Variants in F5 observed in about 807,000 individuals in gnomAD.
F5 encodes the protein activated protein c cofactor.
F5 carries 138 observed loss-of-function variants against 216.4 expected under a neutral mutation model. The ratio of observed to expected loss-of-function variants is 0.64; its 90% CI spans 0.56 to 0.73. F5 has a LOEUF of 0.73. F5 is among the 30% of genes least tolerant of loss of function. The pLI, the probability that F5 is intolerant of heterozygous loss-of-function variation, is 0.00. For missense variants in F5, 2,403 were observed against 2,674.0 expected, an observed-to-expected ratio of 0.90 and a Z score of 2.24; for synonymous variants, 916 against 930.7, an observed-to-expected ratio of 0.98 and a Z score of 0.29.
At chr1:169,526,973 T>C (rs9332631) in intron 17 of F5, among the ~76,000 whole-genome samples, 312 of 152,220 alleles carry the variant, frequency 2.0e-3, no homozygotes, top group African/African-American at 7.0e-3. Context: ...ACCCTCTTTT[T>C]TTCCCTGCTC....
Position 169,525,870 on chromosome 1 carries a change from C to A in F5, c.5716+31G>T, listed in dbSNP as rs749965739. On this transcript the variant is annotated intron_variant, in intron 18 of 24. Coordinates refer to ENST00000367797, the MANE Select transcript of F5 (RefSeq NM_000130.5). ...ATTCTAGTAATAGGCACTCTCCTGC[C>A]AAACCAAATATCACATGGCTCTTGT... 3.3e-6 allele frequency: 5 copies of A among 1,519,748 alleles called. No individual in the cohort carries two copies. In the East Asian group the frequency reaches 1.1e-4, roughly 34 times the overall value. The allele number at this position is 1,519,748 out of a possible 1,614,324, so 94.1% of individuals were successfully genotyped here.
rs1660462157 is a variant in F5, at chr1:169,560,812, T to C, written c.374-46A>G. ...AAGACATGTGGGCAGTTTCTGAGGATTGCGTTTTCACCACTCTCAAATCTG... is the reference window on the plus strand; with the variant it reads ...AAGACATGTGGGCAGTTTCTGAGGACTGCGTTTTCACCACTCTCAAATCTG... On this transcript the variant is annotated intron_variant, in intron 3 of 24. Coordinates refer to ENST00000367797, the MANE Select transcript of F5 (RefSeq NM_000130.5). The C allele has an allele frequency of 3.8e-6, 6 of 1,586,136 alleles. No homozygotes were observed. The African/African-American group carries it at 6.7e-5, about 18-fold the overall frequency.
chr1:169,524,472 G>A (rs765768591), intron 19 of F5, among the ~76,000 whole-genome samples: 4 of 152,184 alleles, frequency 2.6e-5, no homozygotes, highest in Non-Finnish European at 4.4e-5. Flanking sequence ...TTGGAAATGG[G>A]CGCGTGGTCA....
rs1659952617 is a variant in F5, at chr1:169,544,496, T to C, written c.1775A>G (p.Tyr592Cys). ...ESNIMSTING[Y>C]VPESITTLGF... ...AAGAGTAGTTATGCTCTCAGGCACA[T>C]AGCCATTGATAGCTGAAAGTGTAAA... The change falls in exon 12 of 25, where the codon TAT becomes TGT. Residue 592 changes from tyrosine to cysteine, a missense_variant. Around this residue, in one of 4 missense-constraint regions of F5, gnomAD observed 1,425 missense variants for 1,554.8 expected, o/e 0.92. Coordinates refer to ENST00000367797, the MANE Select transcript of F5 (RefSeq NM_000130.5). 1 of 1,613,728 alleles carries C rather than the reference T, an allele frequency of 6.2e-7. No homozygotes were observed. Among genetic ancestry groups the C allele is most frequent in the African/African-American group, 1.3e-5 (1 of 74,934 alleles).
intron 1 of F5, among the ~76,000 whole-genome samples, chr1:169,583,585 G>A (rs1008118249): frequency 7.2e-5 from 11 of 152,180 alleles, no homozygotes; most frequent in African/African-American, 2.4e-4. Flanking sequence ...CAGAATTGTT[G>A]TATAATTTTA....
intron 3 of F5, among the ~76,000 whole-genome samples, chr1:169,561,599 G>T (rs1894702): frequency 0.27 from 41,484 of 151,998 alleles, 6,008 homozygotes; most frequent in South Asian, 0.36. Flanking sequence ...GTGCCATAGA[G>T]AGCCAAGTGG....
chr1:169,517,334 G>T (rs1443075083), intron 23 of F5, among the ~76,000 whole-genome samples: 3 of 152,128 alleles, frequency 2.0e-5, no homozygotes, highest in Admixed American at 1.3e-4. Flanking sequence ...TCCATATTGG[G>T]CCAGAATGAG....
chr1:169,546,349 G>GTA, intron 11 of F5, 93 bp downstream of exon 11: 1 of 1,490,254 alleles, frequency 6.7e-7, no homozygotes, highest in South Asian at 1.2e-5. Flanking sequence ...CCCTTAGCGA[G>GTA]TAGATTTTAA....
At chr1:169,515,166 G>C (rs1297954983) in intron 24 of F5, among the ~76,000 whole-genome samples, 1 of 151,914 alleles carries the variant, frequency 6.6e-6, no homozygotes, top group Non-Finnish European at 1.5e-5. Context: ...TCATCAGCAA[G>C]TTCCCCAAGG....
intron 3 of F5, among the ~76,000 whole-genome samples, chr1:169,567,403 G>T (rs1366223221): frequency 1.3e-5 from 2 of 151,316 alleles, no homozygotes. Flanking sequence ...TCTCCCAAAG[G>T]CCCCACCTGC....
intron 7 of F5, among the ~76,000 whole-genome samples, chr1:169,554,325 T>C (rs1660260134): frequency 6.6e-6 from 1 of 152,232 alleles, no homozygotes; most frequent in Non-Finnish European, 1.5e-5. Flanking sequence ...ACATCCCAGC[T>C]TTTTAATTTA....
At chr1:169,570,373 CCTT>C (rs1660696345) in intron 3 of F5, among the ~76,000 whole-genome samples, 1 of 152,134 alleles carries the variant, frequency 6.6e-6, no homozygotes, top group African/African-American at 2.4e-5. Flanking sequence ...GGTTTCTCCC[CCTT>C]CTTCTTTACA....
chr1:169,551,303 A>C (rs1430967898), intron 8 of F5, among the ~76,000 whole-genome samples: 1 of 152,186 alleles, frequency 6.6e-6, no homozygotes, highest in African/African-American at 2.4e-5. Flanking sequence ...TACAAAAATT[A>C]GCCAGGCGTT....
In F5 at chr1:169,546,636, T is replaced by A. The variant is rs13306345; in HGVS notation, c.1612-44A>T. On this transcript the variant is annotated intron_variant, in intron 10 of 24. Transcript: ENST00000367797. ...TAGTACTGGTACAAGAACAGACGCA[T>A]AGACCAATGGAACAGAATAGAGAAC... The A allele has an allele frequency of 0.24, 377,132 of 1,558,852 alleles. 47,339 individuals are homozygous for A. The highest frequency in any genetic ancestry group is 0.39 in the Admixed American group (23,463 of 59,882).
intron 2 of F5, among the ~76,000 whole-genome samples, chr1:169,573,346 T>G (rs1660772155): frequency 6.6e-6 from 1 of 152,144 alleles, no homozygotes; most frequent in African/African-American, 2.4e-5. Context: ...AACAAAAAGT[T>G]CATCATAGCT....
chr1:169,544,604 T>C, intron 11 of F5, 96 bp from the exon 12 acceptor site: 1 of 1,058,378 alleles, frequency 9.4e-7, no homozygotes, highest in South Asian at 1.3e-5. Flanking sequence ...GTTAATTTGG[T>C]TGTGTCAAAG....
At chr1:169,581,353 A>C (rs9332501) in intron 2 of F5, among the ~76,000 whole-genome samples, 4,556 of 152,220 alleles carry the variant, frequency 0.03, 223 homozygotes, top group African/African-American at 0.1. Flanking sequence ...AATATAGGCG[A>C]AGAAATGTAG....
At chr1:169,555,380 C>A in intron 6 of F5, 33 bp from the exon 7 acceptor site, 1 of 1,609,600 alleles carries the variant, frequency 6.2e-7, no homozygotes, top group Non-Finnish European at 8.5e-7. Flanking sequence ...TGAAATAACT[C>A]AAGAGAAGAA....
rs370879629 is a variant in F5 at position 169,581,851 on chromosome 1, C to T, written c.250+580G>A. ...CACACTAAATAAACAGAAGAATAGA[C>T]GGGAAAGAGATGCAAAAGAGTCAGC... On this transcript the variant is annotated intron_variant, in intron 2 of 24. Transcript: ENST00000367797. Among the ~76,000 whole-genome samples the T allele has an allele frequency of 1.6e-4, 24 of 152,156 alleles. No homozygotes were observed. The South Asian group carries it at 4.3e-3, about 28-fold the overall frequency.
Sources: gnomAD v4.1 joint callset for allele counts (sites outside exome capture counted in the v4.1 genomes callset) on GRCh38, gnomAD v4.1.1 for gene constraint, gnomAD v4.1.1 regional missense constraint, MANE v1.5 for transcripts, NCBI Gene and HGNC (gene_info 2026-07-23, HGNC 2026-07-21) for gene names.